NCAPH: variants seen among roughly 807,000 people sequenced by gnomAD.
NCAPH encodes non-SMC condensin I complex subunit H.
NCAPH carries 38 observed loss-of-function variants against 85.5 expected under a neutral mutation model. The ratio of observed to expected loss-of-function variants is 0.44; its 90% CI spans 0.34 to 0.58. The LOEUF is 0.58. NCAPH is among the 20% of genes least tolerant of loss of function. NCAPH has a pLI of 0.01. For synonymous variants in NCAPH, 301 were observed against 335.1 expected (o/e 0.90, Z 1.11); for missense variants, 789 against 916.6 (o/e 0.86, Z 1.80).
chr2:96,335,999 G>A, intron 1 of NCAPH, 151 bp downstream of exon 1: 2 of 768,216 alleles, frequency 2.6e-6, no homozygotes, highest in South Asian at 6.5e-5. Context: ...GCCGGTGCGG[G>A]GGGAGGGGAG....
At chr2:96,350,861 A>G (rs1187620421) in intron 6 of NCAPH, among the ~76,000 whole-genome samples, 1 of 152,178 alleles carries the variant, frequency 6.6e-6, no homozygotes. Context: ...ACCCAACCGT[A>G]TCTCCTGTCT....
chr2:96,344,047 A>G (rs2064330988), intron 5 of NCAPH, 58 bp from the exon 6 acceptor site: 1 of 1,561,900 alleles, frequency 6.4e-7, no homozygotes, highest in Middle Eastern at 1.7e-4. Context: ...TGAGTTAGTA[A>G]GTTCATCACA....
At position 96,372,098 on chromosome 2, in the gene NCAPH, A is replaced by C. The variant is rs187616630; in HGVS notation, c.2167-1194A>C. Among the ~76,000 whole-genome samples the C allele has an allele frequency of 3.3e-5, 5 of 152,326 alleles. No individual in the cohort carries two copies. In the East Asian group the frequency reaches 9.6e-4, roughly 29 times the overall value. Reference sequence around the variant, plus strand: ...GCGAGTGACTGTTGAGCCCTGGCACATCCCATCTGCCTCCAGTGCAGAGCC... The same window carrying C: ...GCGAGTGACTGTTGAGCCCTGGCACCTCCCATCTGCCTCCAGTGCAGAGCC... On this transcript the variant is annotated intron_variant, in intron 17 of 17. Coordinates refer to ENST00000240423, the MANE Select transcript of NCAPH (RefSeq NM_015341.5).
At position 96,341,777 on chromosome 2, in the gene NCAPH, T is replaced by C. The variant is rs762663367; in HGVS notation, c.155T>C (p.Leu52Pro). Residue 52 changes from leucine to proline, a missense_variant, in exon 2 of 18, where the codon CTC (leucine) becomes CCC (proline). Transcript: ENST00000240423. ...APLNIPGTPV[L>P]EDFPQNDDEK... ...CTCAATATTCCTGGCACCCCAGTCC[T>C]CGAAGACTTTCCTCAGAATGACGAT... 5.1e-5 allele frequency: 83 copies of C among 1,613,994 alleles called. No homozygotes were observed. Among genetic ancestry groups the C allele is most frequent in the Non-Finnish European group, 6.8e-5 (80 of 1,180,024 alleles).
chr2:96,362,459 G>T (rs1304678741), intron 12 of NCAPH, among the ~76,000 whole-genome samples: 1 of 152,106 alleles, frequency 6.6e-6, no homozygotes, highest in Non-Finnish European at 1.5e-5. Context: ...GCGAAACCCC[G>T]TCTCTACTAA....
At position 96,344,063 on chromosome 2, in the gene NCAPH, CA is replaced by C. The variant is rs1321601535; in HGVS notation, c.596-39del. ...GAGTTAGTAAGTTCATCACATGCTT[CA>C]AAGCAGCCCTTGCAGTACGCAATTG... On this transcript the variant is annotated intron_variant, in intron 5 of 17. Coordinates refer to ENST00000240423, the MANE Select transcript of NCAPH (RefSeq NM_015341.5). 3.2e-6 allele frequency: 5 copies of C among 1,584,046 alleles called. No individual in the cohort carries two copies. In the Admixed American group the frequency reaches 9.4e-5, roughly 30 times the overall value.
Position 96,360,188 on chromosome 2 carries a change from A to G in NCAPH, c.1403A>G (p.Lys468Arg), listed in dbSNP as rs1558799151. The change falls in exon 11 of 18, where the codon AAA becomes AGA. Residue 468 changes from lysine (K) to arginine (R), a missense_variant. Coordinates refer to ENST00000240423, the MANE Select transcript of NCAPH (RefSeq NM_015341.5). ...QSENKKKSTK[K>R]DFEIDFEDDI... The stretch of plus-strand genomic sequence containing the variant: ...GAAAACAAAAAGAAGAGTACAAAAA[A>G]AGATTTTGAAATTGACTTTGAAGAT... 1.3e-6 allele frequency: 2 copies of G among 1,593,214 alleles called. No homozygotes were observed. The highest frequency in any genetic ancestry group is 2.2e-5 in the East Asian group (1 of 44,726).
chr2:96,362,072 G>C, intron 12 of NCAPH, among the ~76,000 whole-genome samples: 1 of 151,356 alleles, frequency 6.6e-6, no homozygotes, highest in African/African-American at 2.4e-5. Context: ...AACTAACCAA[G>C]ATATGTTTTT....
intron 9 of NCAPH, among the ~76,000 whole-genome samples, chr2:96,356,336 TG>T (rs1425596730): frequency 6.6e-6 from 1 of 152,166 alleles, no homozygotes; most frequent in Non-Finnish European, 1.5e-5. Context: ...AGCCCTGAGA[TG>T]TGGGGCAATG....
intron 14 of NCAPH, 65 bp from the exon 15 acceptor site, chr2:96,367,192 A>G: frequency 8.6e-7 from 1 of 1,162,558 alleles, no homozygotes. Context: ...CTTTGTTTTT[A>G]CAGTGAATTA....
Position 96,367,381 on chromosome 2 carries a change from G to A in NCAPH, c.1998+8G>A. 1 of 1,598,296 alleles carries A rather than the reference G, an allele frequency of 6.3e-7. No homozygotes were observed. On this transcript the variant is annotated splice_region_variant and intron_variant, in intron 15 of 17. Transcript: ENST00000240423. Reference sequence around the variant, plus strand: ...AAGGAGGCAGATGCAGAGGTCAGATGCTCTTGCCTGTTCTCTAGGTGCCCA... The same window carrying A: ...AAGGAGGCAGATGCAGAGGTCAGATACTCTTGCCTGTTCTCTAGGTGCCCA...
At chr2:96,337,001 A>C (rs1199205602) in intron 1 of NCAPH, among the ~76,000 whole-genome samples, 10 of 152,224 alleles carry the variant, frequency 6.6e-5, no homozygotes, top group African/African-American at 2.4e-4. Flanking sequence ...TTTAGGCAAC[A>C]TGGAAGTTAT....
Position 96,360,581 on chromosome 2 carries a change from TTAATA to T in NCAPH, c.1465-6_1465-2del. The T allele has an allele frequency of 6.2e-7, 1 of 1,612,290 alleles. No homozygotes were observed. Among genetic ancestry groups the T allele is most frequent in the Non-Finnish European group, 8.5e-7 (1 of 1,179,494 alleles). On this transcript the variant is annotated splice_acceptor_variant and splice_polypyrimidine_tract_variant and intron_variant, in intron 11 of 17. Transcript: ENST00000240423. LOFTEE classifies it high-confidence loss of function. ...GCCTAAAACACTTTTTTTAAAAAAA[TTAATA>T]GGCTGCTACTATTCTGACCAAGTCC...
chr2:96,353,488 A>G (rs2104454331), intron 8 of NCAPH, 91 bp downstream of exon 8: 1 of 1,127,800 alleles, frequency 8.9e-7, no homozygotes. Context: ...CATCATCTTT[A>G]TTTAGCCAGG....
intron 11 of NCAPH, 25 bp downstream of exon 11, chr2:96,360,274 G>T (rs775096956): frequency 8.0e-7 from 1 of 1,251,386 alleles, no homozygotes; most frequent in South Asian, 1.3e-5. Flanking sequence ...TATTAGGATT[G>T]TGCTTACTCG....
intron 16 of NCAPH, 83 bp downstream of exon 16, chr2:96,369,146 T>C: frequency 7.5e-7 from 1 of 1,328,252 alleles, no homozygotes; most frequent in Non-Finnish European, 1.0e-6. Context: ...ACACAACCTG[T>C]TTCCTATGAC....
At chr2:96,349,972 A>G (rs1213464657) in intron 6 of NCAPH, among the ~76,000 whole-genome samples, 3 of 152,216 alleles carry the variant, frequency 2.0e-5, no homozygotes, top group Non-Finnish European at 4.4e-5. Flanking sequence ...CTTGTCAGGT[A>G]GGCATTGCCA....
rs1303755004 is a variant in NCAPH, at chr2:96,360,709, G to C, written c.1586G>C (p.Arg529Thr). The C allele has an allele frequency of 1.2e-6, 2 of 1,613,960 alleles. No individual in the cohort carries two copies. Among genetic ancestry groups the C allele is most frequent in the African/African-American group, 2.7e-5 (2 of 74,922 alleles). Residue 529 changes from arginine to threonine, a missense_variant and splice_region_variant, in exon 12 of 18, where the codon AGG (arginine) becomes ACG (threonine). Arg to Thr is a moderately conservative substitution (Grantham distance 71). Transcript: ENST00000240423. ...LVQLHLKPGT[R>T]LLKMAQGHRV... ...CAGCTTCACCTCAAACCAGGCACCA[G>C]GGTAAGCCTATTTCTTGGTTCCTTT... is the stretch of plus-strand genomic sequence containing the variant.
intron 6 of NCAPH, among the ~76,000 whole-genome samples, chr2:96,346,926 T>C (rs2064369484): frequency 6.6e-6 from 1 of 152,014 alleles, no homozygotes; most frequent in African/African-American, 2.4e-5. Context: ...ACTGGATGGA[T>C]CAACATATGG....
Sources: gnomAD v4.1 joint callset for allele counts (sites outside exome capture counted in the v4.1 genomes callset) on GRCh38, gnomAD v4.1.1 for gene constraint, MANE v1.5 for transcripts, NCBI Gene and HGNC (gene_info 2026-07-23, HGNC 2026-07-21) for gene names.